The following SNTB1 variants were observed in gnomAD, a reference collection of about 807,000 sequenced individuals.
The protein encoded by SNTB1 is beta-1-syntrophin.
Under a neutral mutation model 48.9 loss-of-function variants are expected in SNTB1, and 36 were observed. That is an observed-to-expected ratio of 0.74 (90% confidence interval 0.56 to 0.97). SNTB1 has a LOEUF of 0.97. Among genes scored for constraint, SNTB1 ranks in the 50% least tolerant of loss-of-function variants. SNTB1 has a pLI of 0.00. For missense variants in SNTB1, 786 were observed against 703.4 expected (o/e 1.12, Z -1.33); for synonymous variants, 299 against 294.6 (o/e 1.01, Z -0.15).
chr8:120,687,280 G>A (rs1427297401), intron 2 of SNTB1, among the ~76,000 whole-genome samples: 3 of 152,320 alleles, frequency 2.0e-5, no homozygotes, highest in Middle Eastern at 3.4e-3. Flanking sequence ...AGGGTACTAT[G>A]AGAACAACTT....
At chr8:120,597,799 A>C (rs1240296851) in intron 3 of SNTB1, among the ~76,000 whole-genome samples, 2 of 152,258 alleles carry the variant, frequency 1.3e-5, no homozygotes, top group Admixed American at 6.5e-5. Context: ...GGCCCCGGCC[A>C]GGGATGAATC....
rs190105838 is a variant in SNTB1 at position 120,699,861 on chromosome 8, T to C, written c.572-5953A>G. 3.3e-5 allele frequency among the ~76,000 whole-genome samples: 5 copies of C among 152,288 alleles called. No homozygotes were observed. In the East Asian group the frequency reaches 9.6e-4, roughly 29 times the overall value. Reference sequence around the variant, plus strand: ...AACAGAGGAATTCTCTCAGGACTTATTCTCTCAGGACTTAGCATAAATAGA... The same window carrying C: ...AACAGAGGAATTCTCTCAGGACTTACTCTCTCAGGACTTAGCATAAATAGA... On this transcript the variant is annotated intron_variant, in intron 1 of 6. Transcript: ENST00000517992.
chr8:120,624,494 A>G (rs370794163), intron 3 of SNTB1, among the ~76,000 whole-genome samples: 3 of 152,124 alleles, frequency 2.0e-5, no homozygotes, highest in East Asian at 3.9e-4. Flanking sequence ...ACACAGCCCC[A>G]ATGACCTAAT....
At chr8:120,720,441 C>T (rs1004646946) in intron 1 of SNTB1, among the ~76,000 whole-genome samples, 26 of 152,222 alleles carry the variant, frequency 1.7e-4, no homozygotes, top group African/African-American at 6.3e-4. Flanking sequence ...TGCCTCAGAT[C>T]TGCCTACCAT....
chr8:120,575,071 C>A lies in SNTB1; in HGVS notation c.1136+15G>T. On this transcript the variant is annotated intron_variant, in intron 4 of 6. Transcript: ENST00000517992. Reference sequence around the variant, plus strand: ...ACCTGCAAACACATCATACCAAACACAAGGCCATGGCTACCTGGTGGCAAG... The same window carrying A: ...ACCTGCAAACACATCATACCAAACAAAAGGCCATGGCTACCTGGTGGCAAG... 1.2e-6 allele frequency: 2 copies of A among 1,614,138 alleles called. No individual in the cohort carries two copies. Among genetic ancestry groups the A allele is most frequent in the Non-Finnish European group, 1.7e-6 (2 of 1,179,994 alleles).
At chr8:120,756,466 G>A (rs1441045301) in intron 1 of SNTB1, among the ~76,000 whole-genome samples, 1 of 152,108 alleles carries the variant, frequency 6.6e-6, no homozygotes. Flanking sequence ...TATTCACAGA[G>A]TGGGCTTTGG....
intron 2 of SNTB1, among the ~76,000 whole-genome samples, chr8:120,657,046 T>C (rs1817513396): frequency 6.6e-6 from 1 of 152,222 alleles, no homozygotes; most frequent in African/African-American, 2.4e-5. Context: ...GAAAGAAACA[T>C]TGTGAGTTTG....
chr8:120,805,271 G>C (rs796486971), intron 1 of SNTB1, among the ~76,000 whole-genome samples: 1 of 152,080 alleles, frequency 6.6e-6, no homozygotes, highest in Admixed American at 6.6e-5. Context: ...TCTCCAGATC[G>C]TGTGAATATG....
At chr8:120,646,656 G>A (rs930805949) in intron 2 of SNTB1, among the ~76,000 whole-genome samples, 1 of 151,796 alleles carries the variant, frequency 6.6e-6, no homozygotes, top group African/African-American at 2.4e-5. Context: ...CCCGGCTTTG[G>A]TATCAGAATG....
At chr8:120,728,985 CTT>C (rs61106051) in intron 1 of SNTB1, among the ~76,000 whole-genome samples, 8 of 145,522 alleles carry the variant, frequency 5.5e-5, no homozygotes, top group East Asian at 2.0e-4. Flanking sequence ...GTTTACTGAC[CTT>C]TTTTTTTTTT....
chr8:120,586,486 G>C (rs1201405857), intron 3 of SNTB1, among the ~76,000 whole-genome samples: 1 of 152,098 alleles, frequency 6.6e-6, no homozygotes, highest in Non-Finnish European at 1.5e-5. Context: ...TCTGCATCAT[G>C]TTACCTTTTC....
intron 1 of SNTB1, among the ~76,000 whole-genome samples, chr8:120,741,429 C>A (rs1019664965): frequency 6.6e-6 from 1 of 152,090 alleles, no homozygotes; most frequent in Admixed American, 6.5e-5. Context: ...GCCAACATGG[C>A]AAAATGCTGT....
At chr8:120,628,901 G>T (rs1816932457) in intron 3 of SNTB1, among the ~76,000 whole-genome samples, 1 of 152,190 alleles carries the variant, frequency 6.6e-6, no homozygotes, top group African/African-American at 2.4e-5. Flanking sequence ...GCACACACTT[G>T]TAGTCCCAGT....
At chr8:120,584,394 G>A (rs1171754381) in intron 3 of SNTB1, among the ~76,000 whole-genome samples, 5 of 117,684 alleles carry the variant, frequency 4.2e-5, no homozygotes, top group Non-Finnish European at 8.0e-5. Flanking sequence ...AGCTGAGATC[G>A]CACCACTGTA....
At chr8:120,745,108 C>T (rs914415290) in intron 1 of SNTB1, among the ~76,000 whole-genome samples, 4 of 150,956 alleles carry the variant, frequency 2.6e-5, no homozygotes, top group African/African-American at 4.9e-5. Context: ...AAAGAGGTCT[C>T]GGTGGTTATT....
At chr8:120,695,376 T>A (rs1286068120) in intron 1 of SNTB1, among the ~76,000 whole-genome samples, 2 of 152,190 alleles carry the variant, frequency 1.3e-5, no homozygotes, top group Non-Finnish European at 2.9e-5. Flanking sequence ...TGGTGTCCCA[T>A]CTGGGACCCT....
intron 3 of SNTB1, among the ~76,000 whole-genome samples, chr8:120,588,904 C>A (rs1447768398): frequency 6.6e-6 from 1 of 152,128 alleles, no homozygotes; most frequent in African/African-American, 2.4e-5. Flanking sequence ...TAGGGAGGGG[C>A]CTGGGTAAGT....
chr8:120,807,994 C>T (rs1820363658), intron 1 of SNTB1, among the ~76,000 whole-genome samples: 1 of 151,960 alleles, frequency 6.6e-6, no homozygotes. Context: ...AGCTCACTGC[C>T]ACCTACACCT....
intron 3 of SNTB1, among the ~76,000 whole-genome samples, chr8:120,585,485 T>C (rs7823782): frequency 0.72 from 110,308 of 152,198 alleles, 40,932 homozygotes; most frequent in Non-Finnish European, 0.82. Context: ...CTTTATTCCC[T>C]AAGCCTCACA....
Sources: allele counts gnomAD v4.1 joint callset (sites outside exome capture counted in the v4.1 genomes callset), GRCh38; gene constraint gnomAD v4.1.1; transcripts MANE v1.5; gene names NCBI Gene and HGNC (gene_info 2026-07-23, HGNC 2026-07-21).